The following IQSEC1 variants were observed in gnomAD, a reference collection of about 807,000 sequenced individuals.
IQSEC1 encodes the protein IQ motif and Sec7 domain ArfGEF 1.
Under a neutral mutation model 91.0 loss-of-function variants are expected in IQSEC1, and 31 were observed. The observed-to-expected ratio is 0.34, with a 90% confidence interval of 0.26 to 0.46. The LOEUF is 0.46. Among genes scored for constraint, IQSEC1 ranks in the 20% least tolerant of loss-of-function variants. The pLI is 1.00. For synonymous variants in IQSEC1, 699 were observed against 662.6 expected, an observed-to-expected ratio of 1.05 and a Z score of -0.84; for missense variants, 1,388 against 1,575.6, an observed-to-expected ratio of 0.88 and a Z score of 2.02.
At chr3:13,091,287 T>C (rs112877236) in intron 2 of IQSEC1, among the ~76,000 whole-genome samples, 125 of 152,348 alleles carry the variant, frequency 8.2e-4, no homozygotes, top group African/African-American at 2.8e-3. Flanking sequence ...TCCTTCCTCA[T>C]TGGCATACAG....
chr3:13,096,029 T>G (rs1443468186), intron 2 of IQSEC1, among the ~76,000 whole-genome samples: 1 of 152,212 alleles, frequency 6.6e-6, no homozygotes, highest in Non-Finnish European at 1.5e-5. Context: ...TGCACATCCT[T>G]GGTTCCTCCT....
intron 1 of IQSEC1, among the ~76,000 whole-genome samples, chr3:13,005,654 G>A (rs1290911740): frequency 1.3e-5 from 2 of 152,224 alleles, no homozygotes; most frequent in African/African-American, 2.4e-5. Flanking sequence ...TGGAGACTGA[G>A]TTTTTCATTT....
chr3:13,132,191 G>A (rs1576264702), intron 2 of IQSEC1, among the ~76,000 whole-genome samples: 1 of 152,188 alleles, frequency 6.6e-6, no homozygotes, highest in South Asian at 2.1e-4. Flanking sequence ...TTAGCGGCTT[G>A]TTTTTAAGCT....
chr3:13,153,644 G>A (rs1559265297), intron 2 of IQSEC1, among the ~76,000 whole-genome samples: 2 of 152,128 alleles, frequency 1.3e-5, no homozygotes, highest in South Asian at 4.1e-4. Flanking sequence ...AGCCCTGCCA[G>A]ACCCACCCCC....
intron 1 of IQSEC1, among the ~76,000 whole-genome samples, chr3:13,013,955 A>G (rs1703001737): frequency 6.6e-6 from 1 of 152,224 alleles, no homozygotes. Context: ...GGCAGGCAGC[A>G]GGGGCTCTGA....
intron 3 of IQSEC1, among the ~76,000 whole-genome samples, chr3:12,929,116 C>T (rs1018471001): frequency 2.0e-5 from 3 of 152,230 alleles, no homozygotes; most frequent in Non-Finnish European, 4.4e-5. Context: ...CCCACACTTC[C>T]GTCTCAGCTC....
intron 1 of IQSEC1, among the ~76,000 whole-genome samples, chr3:12,965,894 C>T (rs1261481656): frequency 6.6e-6 from 1 of 152,170 alleles, no homozygotes; most frequent in African/African-American, 2.4e-5. Flanking sequence ...AGGACAAAGA[C>T]TCCATGTTTT....
At chr3:13,201,425 G>A (rs1468234317) in intron 1 of IQSEC1, among the ~76,000 whole-genome samples, 1 of 152,160 alleles carries the variant, frequency 6.6e-6, no homozygotes, top group Non-Finnish European at 1.5e-5. Flanking sequence ...CGAACTCCTG[G>A]GCTCCAGTGA....
chr3:12,901,351 G>A lies in IQSEC1; in HGVS notation c.2977C>T (p.Pro993Ser). ...AGGACCACCGGTGGGTGGGGGGGTG[G>A]CAGGGCTGGGGCTGAGGGCAGGTGG... ...QAHLPSAPAL[P>S]PPHPPVVLPH... The change falls in exon 14 of 14, where the codon CCA (proline) becomes TCA (serine). Residue 993 changes from proline to serine, a missense_variant. By Grantham distance (74) the Pro-to-Ser change is moderately conservative. Transcript: ENST00000613206. 6.6e-7 allele frequency: 1 copy of A among 1,514,392 alleles called. No homozygotes were observed. Among genetic ancestry groups the A allele is most frequent in the Non-Finnish European group, 8.9e-7 (1 of 1,123,834 alleles). The allele number at this position is 1,514,392 out of a possible 1,614,324, so 93.8% of individuals were successfully genotyped here.
intron 6 of IQSEC1, among the ~76,000 whole-genome samples, chr3:12,918,499 G>A (rs768022540): frequency 3.3e-5 from 5 of 152,056 alleles, no homozygotes; most frequent in Admixed American, 6.5e-5. Context: ...CCCAGATGAC[G>A]TGCAGGAGGT....
chr3:13,180,136 G>A (rs1559271357), intron 1 of IQSEC1, among the ~76,000 whole-genome samples: 1 of 152,230 alleles, frequency 6.6e-6, no homozygotes. Context: ...AGCTCCACCT[G>A]CCGCCCCAGT....
chr3:13,123,544 A>C (rs537062189), intron 2 of IQSEC1, among the ~76,000 whole-genome samples: 25 of 152,292 alleles, frequency 1.6e-4, no homozygotes, highest in Admixed American at 1.5e-3. Context: ...GCCATTTTGG[A>C]AAATTTGGCC....
At position 12,900,832 on chromosome 3, in the gene IQSEC1, G is replaced by C. The variant is rs1420025686; in HGVS notation, c.*151C>G. The C allele has an allele frequency of 1.3e-6, 2 of 1,510,458 alleles. No homozygotes were observed. Among genetic ancestry groups the C allele is most frequent in the Admixed American group, 2.1e-5 (1 of 47,700 alleles). 93.6% of individuals were successfully genotyped at this position (1,510,458 alleles called of 1,614,324 possible). Reference sequence around the variant, plus strand: ...TTGTTCCACACAACACCAGCCCTGTGGGCTCCTGGGGCTCCGGTTGGGCCG... The same window carrying C: ...TTGTTCCACACAACACCAGCCCTGTCGGCTCCTGGGGCTCCGGTTGGGCCG... On this transcript the variant is annotated 3_prime_UTR_variant, in exon 14 of 14. Transcript: ENST00000613206.
Position 13,008,122 on chromosome 3 carries a change from G to A in IQSEC1, c.23+64870C>T, listed in dbSNP as rs1427375398. Among the ~76,000 whole-genome samples the A allele has an allele frequency of 6.6e-6, 1 of 152,142 alleles. No individual in the cohort carries two copies. The highest frequency in any genetic ancestry group is 1.5e-5 in the Non-Finnish European group (1 of 68,028). On this transcript the variant is annotated intron_variant, in intron 1 of 13. Transcript: ENST00000613206. This position sits in a 1 kb window ranked among gnomAD's most constrained non-coding sequence, Gnocchi z 4.1. ...GAGTGTCTGTACCTGAAGATGAAAC[G>A]GGGTTACTTAGGTACTTCTTGGCAG...
Position 13,138,997 on chromosome 3 carries a change from G to C in IQSEC1, c.302+25107C>G, listed in dbSNP as rs150393262. On this transcript the variant is annotated intron_variant, in intron 2 of 15. Transcript: ENST00000648114. ...TCTGAGGCTCTGCCCCCACAGTTCCGGGAGCCCTCAGTGTCTGCCTCACAA... is the reference window on the plus strand; with the variant it reads ...TCTGAGGCTCTGCCCCCACAGTTCCCGGAGCCCTCAGTGTCTGCCTCACAA... Among the ~76,000 whole-genome samples, 460 of 152,138 alleles carry C rather than the reference G, an allele frequency of 3.0e-3. 3 individuals carry two copies. Among genetic ancestry groups the C allele is most frequent in the South Asian group, 0.015 (74 of 4,816 alleles).
intron 1 of IQSEC1, among the ~76,000 whole-genome samples, chr3:13,038,299 A>AT (rs1704122074): frequency 1.2e-5 from 1 of 83,504 alleles, no homozygotes; most frequent in Admixed American, 1.5e-4. Flanking sequence ...TATATATATA[A>AT]AATGAAGTAC....
intron 2 of IQSEC1, among the ~76,000 whole-genome samples, chr3:13,159,759 G>C (rs1234117087): frequency 6.6e-6 from 1 of 152,178 alleles, no homozygotes; most frequent in Middle Eastern, 3.2e-3. Context: ...GAATGTAGCT[G>C]AGTTAATTTC....
chr3:13,256,881 C>T (rs932329235), intron 1 of IQSEC1, among the ~76,000 whole-genome samples: 2 of 88,824 alleles, frequency 2.3e-5, no homozygotes, highest in Non-Finnish European at 4.2e-5. Context: ...GCACCAGCAG[C>T]GGGTGCAGCA....
chr3:13,279,854 A>G (rs940714872), intron 1 of IQSEC1, among the ~76,000 whole-genome samples: 3 of 152,132 alleles, frequency 2.0e-5, no homozygotes. Context: ...TGGGAAACCC[A>G]TGCTCAACCC....
Sources: gnomAD v4.1 joint callset for allele counts (sites outside exome capture counted in the v4.1 genomes callset) on GRCh38, gnomAD v4.1.1 for gene constraint, Gnocchi (gnomAD v3.1) non-coding constraint, MANE v1.5 for transcripts, NCBI Gene and HGNC (gene_info 2026-07-23, HGNC 2026-07-21) for gene names.